UNC5C: variants seen among roughly 807,000 people sequenced by gnomAD.
UNC5C encodes the protein netrin receptor UNC5C.
A neutral mutation model predicts 99.8 loss-of-function variants in UNC5C; 47 were observed. That is an observed-to-expected ratio of 0.47 (90% CI 0.37 to 0.60). UNC5C has a LOEUF of 0.60. Among genes scored for constraint, UNC5C ranks in the 20% least tolerant of loss-of-function variants. The pLI is 0.00. For synonymous variants in UNC5C, 487 were observed against 452.2 expected (o/e 1.08, Z -0.98); for missense variants, 1,062 against 1,165.9 (o/e 0.91, Z 1.30).
intron 5 of UNC5C, among the ~76,000 whole-genome samples, chr4:95,246,887 C>G (rs1379809251): frequency 1.3e-5 from 2 of 151,592 alleles, no homozygotes; most frequent in Admixed American, 1.3e-4. Context: ...ACAGAAAATA[C>G]AAAAATTAAC....
chr4:95,220,611 A>G (rs1738436742), intron 7 of UNC5C, among the ~76,000 whole-genome samples: 1 of 152,252 alleles, frequency 6.6e-6, no homozygotes, highest in Admixed American at 6.5e-5. Flanking sequence ...TTATTGAACC[A>G]GAATATTTTC....
At chr4:95,326,051 T>C (rs934554742) in intron 2 of UNC5C, among the ~76,000 whole-genome samples, 1 of 152,164 alleles carries the variant, frequency 6.6e-6, no homozygotes, top group African/African-American at 2.4e-5. Flanking sequence ...ATCCTGGCTG[T>C]GTCACTTCCT....
rs1346786998 is a variant in UNC5C at position 95,482,243 on chromosome 4, A to C, written c.124+66491T>G. On this transcript the variant is annotated intron_variant, in intron 1 of 15. Transcript: ENST00000453304. ...CAAAAGAAGACATTTATGCAGCCAAAAGACACATGAAAAAATGCTCACCAT... is the reference window on the plus strand; with the variant it reads ...CAAAAGAAGACATTTATGCAGCCAACAGACACATGAAAAAATGCTCACCAT... Among the ~76,000 whole-genome samples, 30 of 151,442 alleles carry C rather than the reference A, an allele frequency of 2.0e-4. 1 individual carries two copies. In the East Asian group the frequency reaches 5.9e-3, roughly 30 times the overall value.
chr4:95,284,517 C>T (rs1322790040), intron 3 of UNC5C, among the ~76,000 whole-genome samples: 3 of 152,130 alleles, frequency 2.0e-5, no homozygotes, highest in African/African-American at 7.2e-5. Flanking sequence ...TTATAATATT[C>T]TCCTCAGAAC....
At chr4:95,536,856 T>C (rs1028878945) in intron 1 of UNC5C, among the ~76,000 whole-genome samples, 2 of 152,212 alleles carry the variant, frequency 1.3e-5, no homozygotes, top group African/African-American at 4.8e-5. Context: ...TGTTAGTAAA[T>C]GGGATTTTGG....
At chr4:95,547,378 G>A (rs1723098406) in intron 1 of UNC5C, among the ~76,000 whole-genome samples, 2 of 151,872 alleles carry the variant, frequency 1.3e-5, no homozygotes, top group Non-Finnish European at 2.9e-5. Context: ...GCTCTCCTCC[G>A]CTTCCAACAC....
chr4:95,290,227 G>A (rs1741394319), intron 3 of UNC5C, among the ~76,000 whole-genome samples: 1 of 151,980 alleles, frequency 6.6e-6, no homozygotes. Flanking sequence ...GATCGCTTGA[G>A]CCCAAGAAAG....
intron 1 of UNC5C, among the ~76,000 whole-genome samples, chr4:95,507,794 C>A (rs1301511252): frequency 6.6e-6 from 1 of 152,040 alleles, no homozygotes; most frequent in Admixed American, 6.6e-5. Flanking sequence ...ATGACTGTTT[C>A]TTCTGTATGA....
intron 3 of UNC5C, among the ~76,000 whole-genome samples, chr4:95,283,880 A>T (rs1259333555): frequency 6.6e-6 from 1 of 152,228 alleles, no homozygotes; most frequent in Non-Finnish European, 1.5e-5. Context: ...TAATTTAGTC[A>T]TTGATTCTGC....
intron 2 of UNC5C, among the ~76,000 whole-genome samples, chr4:95,304,228 T>C (rs1414487259): frequency 6.6e-6 from 1 of 152,198 alleles, no homozygotes; most frequent in Non-Finnish European, 1.5e-5. Flanking sequence ...TGAAGTACAT[T>C]CAAAATTATT....
intron 2 of UNC5C, among the ~76,000 whole-genome samples, chr4:95,312,019 C>T (rs1742294093): frequency 6.6e-6 from 1 of 151,270 alleles, no homozygotes; most frequent in Non-Finnish European, 1.5e-5. Flanking sequence ...TGCACTCTAG[C>T]TTGGGTGACA....
intron 4 of UNC5C, among the ~76,000 whole-genome samples, chr4:95,265,823 G>A (rs1472375217): frequency 6.6e-6 from 1 of 152,090 alleles, no homozygotes; most frequent in Non-Finnish European, 1.5e-5. Flanking sequence ...CAGGCTATAA[G>A]CTCCCAGAAT....
intron 1 of UNC5C, among the ~76,000 whole-genome samples, chr4:95,337,796 C>T (rs1385217411): frequency 1.3e-5 from 2 of 151,968 alleles, no homozygotes; most frequent in Non-Finnish European, 2.9e-5. Flanking sequence ...AGATTTCTAT[C>T]ATTAGAAATG....
At chr4:95,183,422 C>T (rs925687245) in intron 13 of UNC5C, among the ~76,000 whole-genome samples, 1 of 151,790 alleles carries the variant, frequency 6.6e-6, no homozygotes, top group African/African-American at 2.4e-5. Context: ...CAAAATAAAA[C>T]TTGCACACAC....
At chr4:95,192,411 C>A (rs1424593673) in intron 12 of UNC5C, among the ~76,000 whole-genome samples, 1 of 119,648 alleles carries the variant, frequency 8.4e-6, no homozygotes, top group Non-Finnish European at 1.7e-5. Context: ...CCTCCTCCCC[C>A]CTTCTCACCT....
In UNC5C at chr4:95,546,069, A is replaced by G. The variant is rs1723054231; in HGVS notation, c.124+2665T>C. Among the ~76,000 whole-genome samples the G allele has an allele frequency of 2.0e-5, 3 of 152,244 alleles. No individual in the cohort carries two copies. The South Asian group carries it at 6.2e-4, about 31-fold the overall frequency. ...TCCTTGATTATCTCTGAAGATATATATACATACTTCTAATTTTTGCAGTAC... is the reference window on the plus strand; with the variant it reads ...TCCTTGATTATCTCTGAAGATATATGTACATACTTCTAATTTTTGCAGTAC... On this transcript the variant is annotated intron_variant, in intron 1 of 15. Transcript: ENST00000453304.
intron 7 of UNC5C, chr4:95,222,199 A>G: frequency 4.0e-6 from 6 of 1,493,988 alleles, no homozygotes; most frequent in Non-Finnish European, 5.3e-6. Context: ...AAATCCAAAC[A>G]TCAAACTTAC....
chr4:95,203,415 C>T (rs1294050874), intron 11 of UNC5C, among the ~76,000 whole-genome samples: 1 of 152,092 alleles, frequency 6.6e-6, no homozygotes, highest in Non-Finnish European at 1.5e-5. Context: ...AGATACATTT[C>T]TCTGTTACTT....
rs756027067 is a variant in UNC5C, at chr4:95,548,828, G to A, written c.30C>T (p.Ala10=). 1.1e-5 allele frequency: 17 copies of A among 1,613,398 alleles called. No individual in the cohort carries two copies. The highest frequency in any genetic ancestry group is 1.4e-5 in the Non-Finnish European group (17 of 1,179,958). ...AGTATCCCAGTCCCAGTCCGCAGCG[G>A]GCCGCTGTCGCCCGCAGACCTTTCC... MRKGLRATA[A]RCGLGLGYLL... The change falls in exon 1 of 16, where the codon GCC becomes GCT. Residue 10 remains alanine (A), a synonymous_variant. Coordinates refer to ENST00000453304, the MANE Select transcript of UNC5C (RefSeq NM_003728.4).
Sources: allele counts gnomAD v4.1 joint callset (sites outside exome capture counted in the v4.1 genomes callset), GRCh38; gene constraint gnomAD v4.1.1; transcripts MANE v1.5; gene names NCBI Gene and HGNC (gene_info 2026-07-23, HGNC 2026-07-21).